Variants in TMEM178B observed in about 807,000 individuals in gnomAD.
TMEM178B encodes the protein transmembrane protein 178B.
Under a neutral mutation model 31.0 loss-of-function variants are expected in TMEM178B, and 5 were observed. That is an observed-to-expected ratio of 0.16 (90% CI 0.08 to 0.34). The LOEUF (loss-of-function observed/expected upper bound fraction) is 0.34, where lower values mean the gene tolerates loss of function less well. Among genes scored for constraint, TMEM178B ranks in the 10% least tolerant of loss-of-function variants. The pLI, the probability that TMEM178B is intolerant of heterozygous loss-of-function variation, is 1.00. For synonymous variants in TMEM178B, 164 were observed against 164.0 expected (o/e 1.00, Z 0.00); for missense variants, 275 against 400.3 (o/e 0.69, Z 2.67).
intron 2 of TMEM178B, among the ~76,000 whole-genome samples, chr7:141,304,217 C>T (rs1798774713): frequency 6.6e-6 from 1 of 152,220 alleles, no homozygotes; most frequent in Middle Eastern, 3.4e-3. Flanking sequence ...TTTTTATCTT[C>T]CCACCTGAAA....
At chr7:141,380,693 C>T (rs1360222501) in intron 2 of TMEM178B, among the ~76,000 whole-genome samples, 1 of 152,154 alleles carries the variant, frequency 6.6e-6, no homozygotes, top group Non-Finnish European at 1.5e-5. Context: ...TCTGTGCCTT[C>T]CTATAAGCAA....
intron 1 of TMEM178B, among the ~76,000 whole-genome samples, chr7:141,192,801 T>G (rs1165238727): frequency 6.6e-6 from 1 of 152,220 alleles, no homozygotes; most frequent in Non-Finnish European, 1.5e-5. Context: ...CTTCAGTCTG[T>G]TTCAGTACTT....
intron 2 of TMEM178B, among the ~76,000 whole-genome samples, chr7:141,382,189 C>T (rs1019332984): frequency 1.3e-5 from 2 of 152,156 alleles, no homozygotes; most frequent in Non-Finnish European, 2.9e-5. Flanking sequence ...ATGTGTCAGT[C>T]CCCTGTGTAC....
chr7:141,496,935 C>T, the TMEM178B span, among the ~76,000 whole-genome samples: 3,707 of 152,116 alleles, frequency 0.024, 69 homozygotes, highest in Admixed American at 0.04. Context: ...TTCAGACTCC[C>T]ACAGAGATTT....
In TMEM178B at chr7:141,476,936, A is replaced by G. The variant is rs1481280262; in HGVS notation, c.*6150A>G. On this transcript the variant is annotated 3_prime_UTR_variant, in exon 4 of 4. Transcript: ENST00000565468. ...TGGGTCTGAACATGAAGAGTTGCACAGCAGTAGTTCGAAGAAGCTGGCATC... is the reference window on the plus strand; with the variant it reads ...TGGGTCTGAACATGAAGAGTTGCACGGCAGTAGTTCGAAGAAGCTGGCATC... 6.5e-6 allele frequency: 1 copy of G among 154,858 alleles called. No individual in the cohort carries two copies. Among genetic ancestry groups the G allele is most frequent in the African/African-American group, 2.4e-5 (1 of 41,540 alleles). The allele number at this position is 154,858 out of a possible 1,614,324, so 9.6% of individuals were successfully genotyped here.
At chr7:141,169,110 A>G (rs181129370) in intron 1 of TMEM178B, among the ~76,000 whole-genome samples, 14 of 152,322 alleles carry the variant, frequency 9.2e-5, no homozygotes, top group Admixed American at 3.3e-4. Flanking sequence ...AACTTGTGTC[A>G]TGGGGGTTGG....
intron 1 of TMEM178B, among the ~76,000 whole-genome samples, chr7:141,117,661 T>C (rs1394878610): frequency 1.3e-5 from 2 of 152,262 alleles, no homozygotes; most frequent in Non-Finnish European, 2.9e-5. Context: ...TTTAAGTCTT[T>C]AATCCATGTT....
chr7:141,109,071 C>T (rs561092064), intron 1 of TMEM178B, among the ~76,000 whole-genome samples: 20 of 152,212 alleles, frequency 1.3e-4, no homozygotes, highest in African/African-American at 1.4e-4. Flanking sequence ...TAGGAGAGAC[C>T]GCCCCCATGA....
At chr7:141,439,425 G>T (rs1801615805) in intron 3 of TMEM178B, among the ~76,000 whole-genome samples, 1 of 152,020 alleles carries the variant, frequency 6.6e-6, no homozygotes. Context: ...AGAGACAGAG[G>T]CTGACAAAAC....
intron 3 of TMEM178B, among the ~76,000 whole-genome samples, chr7:141,464,855 C>CTGGCACTGCTTAA (rs1383991432): frequency 6.6e-6 from 1 of 152,140 alleles, no homozygotes; most frequent in East Asian, 1.9e-4. Flanking sequence ...AGGGTTATGC[C>CTGGCACTGCTTAA]TGGCACTGCT....
intron 1 of TMEM178B, among the ~76,000 whole-genome samples, chr7:141,211,153 GGT>G (rs1797046769): frequency 6.6e-6 from 1 of 152,092 alleles, no homozygotes; most frequent in South Asian, 2.1e-4. Context: ...ATGAGGAGGA[GGT>G]GTGCTTAGGG....
chr7:141,249,536 T>A lies in TMEM178B; in HGVS notation c.496+36832T>A, dbSNP rs116338522. Among the ~76,000 whole-genome samples the A allele has an allele frequency of 9.5e-3, 1,444 of 152,270 alleles. 26 individuals are homozygous for A. The highest frequency in any genetic ancestry group is 0.033 in the African/African-American group (1,356 of 41,544). On this transcript the variant is annotated intron_variant, in intron 2 of 3. Transcript: ENST00000565468. The stretch of plus-strand genomic sequence containing the variant: ...CATTGGAACTGGGTAACAGGTGAAA[T>A]GGCAGAAGTAGGCAAGAGTGAGAGG...
intron 3 of TMEM178B, among the ~76,000 whole-genome samples, chr7:141,456,368 A>G (rs1243803271): frequency 6.6e-6 from 1 of 152,226 alleles, no homozygotes; most frequent in African/African-American, 2.4e-5. Context: ...GGATGGGACC[A>G]GATTCTTGGT....
chr7:141,300,076 ACC>A (rs1334021378), intron 2 of TMEM178B, among the ~76,000 whole-genome samples: 2 of 152,260 alleles, frequency 1.3e-5, no homozygotes, highest in African/African-American at 4.8e-5. Flanking sequence ...GAGCCACCAT[ACC>A]TGGCCCCGCT....
At chr7:141,350,805 C>T (rs1799707362) in intron 2 of TMEM178B, among the ~76,000 whole-genome samples, 1 of 152,144 alleles carries the variant, frequency 6.6e-6, no homozygotes, top group African/African-American at 2.4e-5. Context: ...AAACAAAAGA[C>T]TTCCCTGAAG....
chr7:141,269,181 C>A (rs1202745602), intron 2 of TMEM178B, among the ~76,000 whole-genome samples: 1 of 151,408 alleles, frequency 6.6e-6, no homozygotes, highest in Non-Finnish European at 1.5e-5. Flanking sequence ...ACCTACACCT[C>A]CCGGGTTCAA....
rs71545310 is a variant in TMEM178B, at chr7:141,303,915, G to A, written c.496+91211G>A. On this transcript the variant is annotated intron_variant, in intron 2 of 3. Transcript: ENST00000565468. ...GTAATCCTTAAAATAACTCTATGAC[G>A]TATGGGTGTCATTGTCTCCATTTTA... 8.4e-3 allele frequency among the ~76,000 whole-genome samples: 1,274 copies of A among 152,276 alleles called. 10 individuals carry two copies. The highest frequency in any genetic ancestry group is 0.016 in the South Asian group (77 of 4,816).
intron 2 of TMEM178B, among the ~76,000 whole-genome samples, chr7:141,417,082 C>T (rs1482621768): frequency 6.6e-6 from 1 of 152,206 alleles, no homozygotes; most frequent in Non-Finnish European, 1.5e-5. Context: ...GTACAGTGCA[C>T]TGTCGACGGT....
chr7:141,300,731 A>T (rs951829912), intron 2 of TMEM178B, among the ~76,000 whole-genome samples: 3 of 152,180 alleles, frequency 2.0e-5, no homozygotes, highest in African/African-American at 7.2e-5. Flanking sequence ...ACAGGATAGC[A>T]CAGAATCCCA....
Sources: gnomAD v4.1 joint callset for allele counts (sites outside exome capture counted in the v4.1 genomes callset) on GRCh38, gnomAD v4.1.1 for gene constraint, MANE v1.5 for transcripts, NCBI Gene and HGNC (gene_info 2026-07-23, HGNC 2026-07-21) for gene names.